RCAN2: variants seen among roughly 807,000 people sequenced by gnomAD.
RCAN2 encodes the protein regulator of calcineurin 2.
Under a neutral mutation model 23.6 loss-of-function variants are expected in RCAN2, and 9 were observed. The ratio of observed to expected loss-of-function variants is 0.38; its 90% CI spans 0.23 to 0.67. RCAN2 has a LOEUF of 0.67. Among genes scored for constraint, RCAN2 ranks in the 30% least tolerant of loss-of-function variants. The pLI is 0.51. For missense variants in RCAN2, 273 were observed against 302.3 expected, an observed-to-expected ratio of 0.90 and a Z score of 0.72; for synonymous variants, 109 against 115.7, an observed-to-expected ratio of 0.94 and a Z score of 0.37.
intron 2 of RCAN2, among the ~76,000 whole-genome samples, chr6:46,334,262 C>A (rs1764072916): frequency 6.6e-6 from 1 of 152,216 alleles, no homozygotes; most frequent in African/African-American, 2.4e-5. Context: ...TTATCTCCCT[C>A]CCTCCATGGA....
At chr6:46,394,918 T>G (rs1766045757) in intron 2 of RCAN2, among the ~76,000 whole-genome samples, 1 of 152,160 alleles carries the variant, frequency 6.6e-6, no homozygotes, top group African/African-American at 2.4e-5. Context: ...ATTAAATGAA[T>G]GTATTGATGG....
At chr6:46,376,978 G>T (rs1765492077) in intron 2 of RCAN2, among the ~76,000 whole-genome samples, 1 of 151,294 alleles carries the variant, frequency 6.6e-6, no homozygotes, top group Non-Finnish European at 1.5e-5. Flanking sequence ...TGTTTATACT[G>T]GCCAAAAAAG....
chr6:46,456,615 C>A (rs1391133022), intron 2 of RCAN2, 137 bp downstream of exon 2: 7 of 646,482 alleles, frequency 1.1e-5, no homozygotes, highest in Non-Finnish European at 1.4e-5. Context: ...ATTTTCTTAT[C>A]CTGGTACACA....
At chr6:46,330,658 T>C (rs985260816) in intron 2 of RCAN2, among the ~76,000 whole-genome samples, 5 of 152,218 alleles carry the variant, frequency 3.3e-5, no homozygotes, top group African/African-American at 9.7e-5. Flanking sequence ...CTTCTCTTCC[T>C]TCTTTCCTCT....
At chr6:46,479,649 G>C (rs1243220655) in intron 1 of RCAN2, among the ~76,000 whole-genome samples, 1 of 147,164 alleles carries the variant, frequency 6.8e-6, no homozygotes, top group Admixed American at 6.9e-5. Flanking sequence ...GAGCAGTGGC[G>C]TGAGCTCACT....
At position 46,248,768 on chromosome 6, in the gene RCAN2, A is replaced by G. The variant is rs540583582; in HGVS notation, c.354T>C (p.His118=). 8 of 1,613,128 alleles carry G rather than the reference A, an allele frequency of 5.0e-6. No homozygotes were observed. In the South Asian group the frequency reaches 7.7e-5, roughly 16 times the overall value. Residue 118 remains histidine (H), a synonymous_variant, in exon 3 of 5, where the codon CAT becomes CAC. Transcript: ENST00000371374. ...ATTTTTTCCCTCTGAATTGGGTTTC[A>G]TGAAGCTCTATCCTAGCTCGGGCTG... ...KSAARARIEL[H]ETQFRGKKLK...
At chr6:46,401,988 G>A (rs893515409) in intron 2 of RCAN2, among the ~76,000 whole-genome samples, 1 of 152,182 alleles carries the variant, frequency 6.6e-6, no homozygotes, top group African/African-American at 2.4e-5. Context: ...GTCATGGCAG[G>A]TCAGCAGGAA....
At chr6:46,274,359 TG>T in intron 2 of RCAN2, among the ~76,000 whole-genome samples, 1 of 152,264 alleles carries the variant, frequency 6.6e-6, no homozygotes, top group East Asian at 1.9e-4. Context: ...TTCTTGGCCT[TG>T]GGTTCAAAAG....
intron 4 of RCAN2, among the ~76,000 whole-genome samples, chr6:46,238,541 A>G (rs1454124513): frequency 6.6e-6 from 1 of 152,134 alleles, no homozygotes; most frequent in Admixed American, 6.5e-5. Context: ...AGAGCTTAAC[A>G]CAGGCATTTA....
intron 2 of RCAN2, among the ~76,000 whole-genome samples, chr6:46,372,522 C>T (rs532701573): frequency 4.7e-4 from 72 of 152,318 alleles, no homozygotes; most frequent in African/African-American, 9.6e-4. Flanking sequence ...TCAGGGACTC[C>T]TCTTCTTCTC....
At chr6:46,302,464 G>T (rs1367804300) in intron 2 of RCAN2, among the ~76,000 whole-genome samples, 1 of 152,024 alleles carries the variant, frequency 6.6e-6, no homozygotes, top group Non-Finnish European at 1.5e-5. Context: ...CTGCCATTCT[G>T]CAATTTTGTT....
chr6:46,451,049 G>A (rs931225690), intron 2 of RCAN2, among the ~76,000 whole-genome samples: 1 of 151,960 alleles, frequency 6.6e-6, no homozygotes, highest in Non-Finnish European at 1.5e-5. Context: ...CATAATTTTT[G>A]TTAGTCAATT....
chr6:46,404,509 T>C lies in RCAN2; in HGVS notation c.225+52243A>G, dbSNP rs1582174653. 2.0e-5 allele frequency among the ~76,000 whole-genome samples: 3 copies of C among 152,206 alleles called. No homozygotes were observed. The East Asian group carries it at 5.8e-4, about 29-fold the overall frequency. The stretch of plus-strand genomic sequence containing the variant: ...AGGTCTAGAGTACCTTACTATACGT[T>C]ATATATCAAGTTCTTAAATGTGGGT... On this transcript the variant is annotated intron_variant, in intron 2 of 4. Coordinates refer to ENST00000371374, the MANE Select transcript of RCAN2 (RefSeq NM_001251974.2).
intron 2 of RCAN2, among the ~76,000 whole-genome samples, chr6:46,370,530 G>A (rs142069914): frequency 2.2e-3 from 332 of 152,306 alleles, no homozygotes; most frequent in Middle Eastern, 0.02. Context: ...AGGTAGTTTT[G>A]CATTTCCGTG....
At chr6:46,250,511 T>C (rs1766673374) in intron 2 of RCAN2, among the ~76,000 whole-genome samples, 1 of 152,200 alleles carries the variant, frequency 6.6e-6, no homozygotes, top group Non-Finnish European at 1.5e-5. Flanking sequence ...TAACTAGGAA[T>C]GGACTTAAGA....
intron 2 of RCAN2, among the ~76,000 whole-genome samples, chr6:46,433,894 T>C (rs1026280344): frequency 6.6e-6 from 1 of 152,348 alleles, no homozygotes; most frequent in Non-Finnish European, 1.5e-5. Flanking sequence ...AGTACTCCCA[T>C]GGCCAATTTA....
intron 2 of RCAN2, among the ~76,000 whole-genome samples, chr6:46,437,067 C>A: frequency 6.6e-6 from 1 of 152,160 alleles, no homozygotes; most frequent in East Asian, 1.9e-4. Flanking sequence ...ATTTATGCTT[C>A]AGTTGGAAAA....
At chr6:46,491,623 C>T (rs964388755), upstream of RCAN2, among the ~76,000 whole-genome samples, 4 of 152,074 alleles carry the variant, frequency 2.6e-5, no homozygotes, top group East Asian at 7.8e-4. Context: ...CTACCCACCG[C>T]ACCTCCGGGG....
intron 2 of RCAN2, among the ~76,000 whole-genome samples, chr6:46,403,026 G>A (rs1230456790): frequency 2.6e-5 from 4 of 151,268 alleles, no homozygotes; most frequent in Non-Finnish European, 5.9e-5. Flanking sequence ...GTGCAGTAGC[G>A]CGATCTTGGC....
Sources: gnomAD v4.1 joint callset for allele counts (sites outside exome capture counted in the v4.1 genomes callset) on GRCh38, gnomAD v4.1.1 for gene constraint, MANE v1.5 for transcripts, NCBI Gene and HGNC (gene_info 2026-07-23, HGNC 2026-07-21) for gene names.